The following TNKS2 variants were observed in gnomAD, a reference collection of about 807,000 sequenced individuals.
TNKS2 encodes the protein poly [ADP-ribose] polymerase tankyrase-2.
In TNKS2, 72 loss-of-function variants were observed where a neutral mutation model predicts 137.6. That is an observed-to-expected ratio of 0.52 (90% CI 0.43 to 0.64). The LOEUF (loss-of-function observed/expected upper bound fraction) is 0.64, where lower values mean the gene tolerates loss of function less well. Ranked by LOEUF, TNKS2 falls within the 30% of genes least tolerant of loss-of-function variation. TNKS2 has a pLI of 0.00. For synonymous variants in TNKS2, 516 were observed against 512.1 expected (o/e 1.01, Z -0.10); for missense variants, 1,049 against 1,410.2 (o/e 0.74, Z 4.10).
At position 91,798,595 on chromosome 10, in the gene TNKS2, G is replaced by C; in HGVS notation, c.-96G>C. The C allele has an allele frequency of 8.4e-7, 1 of 1,192,040 alleles. No individual in the cohort carries two copies. The highest frequency in any genetic ancestry group is 1.0e-6 in the Non-Finnish European group (1 of 960,364). The allele number at this position is 1,192,040 out of a possible 1,614,324, so 73.8% of individuals were successfully genotyped here. On this transcript the variant is annotated 5_prime_UTR_variant, in exon 1 of 27. Transcript: ENST00000371627. ...GAGCCAAGCGGCCCGGGCCCTGAGC[G>C]CGTCTTCTCCGGGGGGCCTCGCCCT...
chr10:91,840,484 A>T (rs1181932175), intron 13 of TNKS2, 77 bp from the exon 14 acceptor site: 1 of 1,329,752 alleles, frequency 7.5e-7, no homozygotes, highest in African/African-American at 1.5e-5. Context: ...CACTTTGAAA[A>T]TTCCTACTAA....
chr10:91,859,202 T>C (rs1013582211), intron 24 of TNKS2, among the ~76,000 whole-genome samples: 1 of 152,204 alleles, frequency 6.6e-6, no homozygotes, highest in African/African-American at 2.4e-5. Flanking sequence ...TACACTGATA[T>C]TTCAAGTACT....
At chr10:91,801,520 C>T (rs915320179) in intron 1 of TNKS2, among the ~76,000 whole-genome samples, 4 of 151,556 alleles carry the variant, frequency 2.6e-5, no homozygotes, top group African/African-American at 9.7e-5. Context: ...GTCTCCCAGG[C>T]TGGAGTGCAG....
Position 91,827,011 on chromosome 10 carries a change from C to T in TNKS2, c.796-6C>T, listed in dbSNP as rs1467341178. On this transcript the variant is annotated splice_polypyrimidine_tract_variant and splice_region_variant and intron_variant, in intron 7 of 26. Transcript: ENST00000371627. ...GAACATTAAATATATGCTTTTTGCTCTCCAGCATGGTGCCTGTGTAAATGC... is the reference window on the plus strand; with the variant it reads ...GAACATTAAATATATGCTTTTTGCTTTCCAGCATGGTGCCTGTGTAAATGC... 2.9e-5 allele frequency: 44 copies of T among 1,541,462 alleles called. No homozygotes were observed. Among genetic ancestry groups the T allele is most frequent in the Non-Finnish European group, 3.7e-5 (42 of 1,144,170 alleles).
rs1319149848 is a variant in TNKS2 at position 91,836,910 on chromosome 10, CTT to C, written c.1448-4_1448-3del. ...GTTAGTCACTCTTCTCTCTCTCTCT[CTT>C]TTTTAGAGGGTATCTCATTAGGTAA... On this transcript the variant is annotated splice_polypyrimidine_tract_variant and splice_region_variant and intron_variant, in intron 12 of 26. Coordinates refer to ENST00000371627, the MANE Select transcript of TNKS2 (RefSeq NM_025235.4). 6.3e-7 allele frequency: 1 copy of C among 1,598,218 alleles called. No homozygotes were observed. Among genetic ancestry groups the C allele is most frequent in the Non-Finnish European group, 8.5e-7 (1 of 1,172,008 alleles).
intron 20 of TNKS2, 151 bp from the exon 21 acceptor site, chr10:91,851,065 C>A: frequency 9.6e-7 from 1 of 1,037,116 alleles, no homozygotes; most frequent in Non-Finnish European, 1.3e-6. Flanking sequence ...TAGTTCTGCT[C>A]AGGTTCTTAT....
At chr10:91,799,198 G>C (rs1395822199) in intron 1 of TNKS2, among the ~76,000 whole-genome samples, 1 of 152,126 alleles carries the variant, frequency 6.6e-6, no homozygotes, top group Non-Finnish European at 1.5e-5. Context: ...TGTTACCCTA[G>C]AAGGCCTCTA....
chr10:91,817,968 G>T (rs1049283335), intron 3 of TNKS2, among the ~76,000 whole-genome samples: 4 of 152,166 alleles, frequency 2.6e-5, no homozygotes, highest in Admixed American at 6.5e-5. Context: ...AGCCAAAGGG[G>T]CTTTGCTGTG....
At chr10:91,820,746 A>G (rs1479436581) in intron 6 of TNKS2, among the ~76,000 whole-genome samples, 1 of 152,226 alleles carries the variant, frequency 6.6e-6, no homozygotes, top group Non-Finnish European at 1.5e-5. Context: ...AAAAGCAGCA[A>G]TTAGGAAAGT....
intron 3 of TNKS2, among the ~76,000 whole-genome samples, chr10:91,818,395 G>A (rs576387373): frequency 6.8e-6 from 1 of 146,116 alleles, no homozygotes; most frequent in East Asian, 2.0e-4. Flanking sequence ...CATGATATTA[G>A]TGTCAAAAAA....
At chr10:91,801,631 G>A (rs1250770173) in intron 1 of TNKS2, among the ~76,000 whole-genome samples, 1 of 151,794 alleles carries the variant, frequency 6.6e-6, no homozygotes, top group African/African-American at 2.4e-5. Context: ...GCACTGCCAC[G>A]CCCGGCAAAT....
At chr10:91,848,304 T>A in intron 18 of TNKS2, 79 bp from the exon 19 acceptor site, 2 of 1,437,712 alleles carry the variant, frequency 1.4e-6, no homozygotes, top group Non-Finnish European at 1.8e-6. Flanking sequence ...TTTTCTCATA[T>A]TTTTAAATAT....
chr10:91,825,988 C>T (rs1169372565), intron 7 of TNKS2, among the ~76,000 whole-genome samples: 3 of 152,196 alleles, frequency 2.0e-5, no homozygotes, highest in African/African-American at 2.4e-5. Flanking sequence ...TTTATGATAG[C>T]TGATTTGTAA....
intron 13 of TNKS2, among the ~76,000 whole-genome samples, chr10:91,838,314 C>A (rs1439900125): frequency 1.3e-5 from 2 of 151,968 alleles, no homozygotes; most frequent in Non-Finnish European, 2.9e-5. Context: ...CTTCCCTCCC[C>A]TCTGCTTTTA....
At chr10:91,815,223 T>G (rs1224347323) in intron 2 of TNKS2, among the ~76,000 whole-genome samples, 2 of 152,206 alleles carry the variant, frequency 1.3e-5, no homozygotes, top group Non-Finnish European at 2.9e-5. Flanking sequence ...AGGTGTTCTA[T>G]GCTAGACTTA....
intron 1 of TNKS2, among the ~76,000 whole-genome samples, chr10:91,811,006 C>T (rs1272432623): frequency 1.5e-5 from 2 of 133,010 alleles, no homozygotes; most frequent in African/African-American, 2.8e-5. Flanking sequence ...CGGCTCACTG[C>T]AACCTATACC....
intron 19 of TNKS2, among the ~76,000 whole-genome samples, chr10:91,849,051 G>A (rs1842466022): frequency 6.6e-6 from 1 of 152,172 alleles, no homozygotes; most frequent in South Asian, 2.1e-4. Context: ...TGGCCAGACT[G>A]GTCTTGAACT....
In TNKS2 at chr10:91,855,048, T is replaced by G. The variant is rs532641102; in HGVS notation, c.2835T>G (p.Thr945=). 69 of 1,608,822 alleles carry G rather than the reference T, an allele frequency of 4.3e-5. No homozygotes were observed. The South Asian group carries it at 7.5e-4, about 17-fold the overall frequency. ...TCATAGGTCTTAACCCATATTTAAC[T>G]TTGAACACCTCTGGTAGTGGAACAA... ...SGQQGLNPYL[T]LNTSGSGTIL... is the part of the protein sequence containing the mutation. Residue 945 remains threonine, a synonymous_variant, in exon 22 of 27, where the codon ACT becomes ACG. Transcript: ENST00000371627.
In TNKS2 at chr10:91,826,511, C is replaced by T. The variant is rs573213651; in HGVS notation, c.796-506C>T. On this transcript the variant is annotated intron_variant, in intron 7 of 26. Transcript: ENST00000371627. The stretch of plus-strand genomic sequence containing the variant: ...TGAAAGAATCTAGACGAAGTACATA[C>T]GTTAGAAATTTATATTCTTCTATTT... 4.6e-5 allele frequency among the ~76,000 whole-genome samples: 7 copies of T among 152,240 alleles called. No homozygotes were observed. In the South Asian group the frequency reaches 6.2e-4, roughly 14 times the overall value.
Sources: allele counts gnomAD v4.1 joint callset (sites outside exome capture counted in the v4.1 genomes callset), GRCh38; gene constraint gnomAD v4.1.1; transcripts MANE v1.5; gene names NCBI Gene and HGNC (gene_info 2026-07-23, HGNC 2026-07-21).